ITGBL1: variants seen among roughly 807,000 people sequenced by gnomAD.
The protein encoded by ITGBL1 is integrin subunit beta like 1.
ITGBL1 carries 51 observed loss-of-function variants against 68.5 expected under a neutral mutation model. The ratio of observed to expected loss-of-function variants is 0.74; its 90% CI spans 0.59 to 0.94. The LOEUF (loss-of-function observed/expected upper bound fraction) is 0.94. ITGBL1 is among the 40% of genes least tolerant of loss of function. The pLI is 0.00. For synonymous variants in ITGBL1, 209 were observed against 227.3 expected, an observed-to-expected ratio of 0.92 and a Z score of 0.72; for missense variants, 649 against 647.4, an observed-to-expected ratio of 1.00 and a Z score of -0.03.
At chr13:101,651,621 G>T (rs1252152617) in intron 7 of ITGBL1, among the ~76,000 whole-genome samples, 1 of 152,070 alleles carries the variant, frequency 6.6e-6, no homozygotes, top group African/African-American at 2.4e-5. Flanking sequence ...TCTGTAGGTT[G>T]TGTGTTCACT....
downstream of ITGBL1, chr13:101,719,350 G>A (rs1258784237): frequency 6.6e-6 from 1 of 152,024 alleles, no homozygotes; most frequent in Non-Finnish European, 1.5e-5. Context: ...AGAAGAACTG[G>A]AGCGGGAGTC....
At chr13:101,478,514 T>A (rs938170381) in intron 2 of ITGBL1, among the ~76,000 whole-genome samples, 1 of 151,968 alleles carries the variant, frequency 6.6e-6, no homozygotes. Context: ...ATAATGTTCA[T>A]CCACATGGGA....
chr13:101,671,130 A>G (rs139616413), intron 7 of ITGBL1, among the ~76,000 whole-genome samples: 390 of 152,258 alleles, frequency 2.6e-3, no homozygotes, highest in African/African-American at 8.9e-3. Flanking sequence ...ATGCCTAGAA[A>G]AGACTCCAGT....
downstream of ITGBL1, chr13:101,717,782 T>C (rs189552836): frequency 8.7e-4 from 133 of 152,286 alleles, no homozygotes; most frequent in African/African-American, 3.0e-3. Context: ...AGCTGGGCAG[T>C]ACTTTGTCAG....
chr13:101,531,501 G>T (rs1254877938), intron 2 of ITGBL1, among the ~76,000 whole-genome samples: 1 of 151,944 alleles, frequency 6.6e-6, no homozygotes, highest in East Asian at 1.9e-4. Context: ...TGAAGTCAAG[G>T]TCAGTGAGTA....
At chr13:101,498,744 C>T (rs1157968770) in intron 2 of ITGBL1, among the ~76,000 whole-genome samples, 2 of 152,058 alleles carry the variant, frequency 1.3e-5, no homozygotes, top group Admixed American at 6.6e-5. Context: ...CATGAACGGC[C>T]GCAGATGGGG....
At chr13:101,559,515 C>A (rs1413724698) in intron 2 of ITGBL1, among the ~76,000 whole-genome samples, 6 of 152,194 alleles carry the variant, frequency 3.9e-5, no homozygotes, top group Non-Finnish European at 8.8e-5. Flanking sequence ...TAATCCAATT[C>A]TAAGCATGTG....
intron 2 of ITGBL1, among the ~76,000 whole-genome samples, chr13:101,498,387 A>G (rs1400584931): frequency 6.6e-6 from 1 of 152,194 alleles, no homozygotes; most frequent in East Asian, 1.9e-4. Flanking sequence ...TAGAGTAGAA[A>G]TATGTGGCAT....
intron 7 of ITGBL1, among the ~76,000 whole-genome samples, chr13:101,608,762 G>A (rs906616518): frequency 5.9e-5 from 9 of 152,100 alleles, no homozygotes; most frequent in African/African-American, 1.9e-4. Context: ...GAGGACCCTG[G>A]AATAGTCATG....
chr13:101,503,420 T>G (rs2048975395), intron 2 of ITGBL1, among the ~76,000 whole-genome samples: 1 of 152,090 alleles, frequency 6.6e-6, no homozygotes, highest in South Asian at 2.1e-4. Flanking sequence ...ACTCCAGGAA[T>G]GGGAAACACT....
At chr13:101,493,637 T>C (rs1271366633) in intron 2 of ITGBL1, among the ~76,000 whole-genome samples, 3 of 152,176 alleles carry the variant, frequency 2.0e-5, no homozygotes, top group Non-Finnish European at 4.4e-5. Flanking sequence ...ATTTTCCACA[T>C]CTGTCCTCCC....
rs148096574 is a variant in ITGBL1 at position 101,530,274 on chromosome 13, GGA to G, written c.317-37415_317-37414del. Among the ~76,000 whole-genome samples, 8 of 152,014 alleles carry G rather than the reference GGA, an allele frequency of 5.3e-5. 1 individual carries two copies. In the Middle Eastern group the frequency reaches 0.017, roughly 323 times the overall value. On this transcript the variant is annotated intron_variant, in intron 2 of 10. Coordinates refer to ENST00000376180, the MANE Select transcript of ITGBL1 (RefSeq NM_004791.3). ...ATATAGAGAGAGAGAGAGCGCGAGG[GGA>G]GAGAGAGAGTAGTGATGGACAATCA...
At chr13:101,582,529 CA>C (rs1206343008) in intron 5 of ITGBL1, among the ~76,000 whole-genome samples, 1 of 152,190 alleles carries the variant, frequency 6.6e-6, no homozygotes, top group Admixed American at 6.5e-5. Context: ...TGCAAATCTG[CA>C]AATGACCAAG....
At chr13:101,579,551 T>TCAAA in intron 5 of ITGBL1, 124 bp downstream of exon 5, 5 of 969,178 alleles carry the variant, frequency 5.2e-6, no homozygotes, top group South Asian at 2.0e-5. Context: ...TTTACTTTGA[T>TCAAA]GTAAATCAAC....
At chr13:101,620,610 A>G (rs1291995243) in intron 7 of ITGBL1, among the ~76,000 whole-genome samples, 7 of 152,132 alleles carry the variant, frequency 4.6e-5, no homozygotes, top group Non-Finnish European at 4.4e-5. Flanking sequence ...TAATAGCAAA[A>G]TGAATGTGTC....
chr13:101,512,788 C>G (rs1004881208), intron 2 of ITGBL1, among the ~76,000 whole-genome samples: 1 of 152,124 alleles, frequency 6.6e-6, no homozygotes, highest in Non-Finnish European at 1.5e-5. Flanking sequence ...GCTAAAGCCT[C>G]CCCCAGGTCC....
chr13:101,473,131 C>T (rs1237469694), intron 2 of ITGBL1, among the ~76,000 whole-genome samples: 1 of 152,148 alleles, frequency 6.6e-6, no homozygotes, highest in Admixed American at 6.5e-5. Flanking sequence ...TGATCATCCA[C>T]CCCACAGAAA....
intron 6 of ITGBL1, among the ~76,000 whole-genome samples, 169 bp from the exon 7 acceptor site, chr13:101,597,984 A>G (rs910629266): frequency 6.6e-6 from 1 of 152,176 alleles, no homozygotes; most frequent in African/African-American, 2.4e-5. Context: ...ATCAATTCAT[A>G]TAAGTCAGTT....
intron 7 of ITGBL1, among the ~76,000 whole-genome samples, chr13:101,650,979 T>C (rs1390490631): frequency 6.6e-6 from 1 of 152,216 alleles, no homozygotes; most frequent in Non-Finnish European, 1.5e-5. Context: ...AAGGACATGA[T>C]CTTTTTCCTT....
Sources: allele counts gnomAD v4.1 joint callset (sites outside exome capture counted in the v4.1 genomes callset), GRCh38; gene constraint gnomAD v4.1.1; transcripts MANE v1.5; gene names NCBI Gene and HGNC (gene_info 2026-07-23, HGNC 2026-07-21).